CEP63: variants seen among roughly 807,000 people sequenced by gnomAD.
CEP63 encodes centrosomal protein 63.
CEP63 carries 84 observed loss-of-function variants against 89.1 expected under a neutral mutation model. The observed-to-expected ratio is 0.94, with a 90% CI of 0.79 to 1.13. The LOEUF is 1.13. Among genes scored for constraint, CEP63 ranks in the 50% most tolerant of loss-of-function variants. CEP63 has a pLI of 0.00. For synonymous variants in CEP63, 267 were observed against 272.5 expected, an observed-to-expected ratio of 0.98 and a Z score of 0.20; for missense variants, 838 against 813.3, an observed-to-expected ratio of 1.03 and a Z score of -0.37.
intron 10 of CEP63, among the ~76,000 whole-genome samples, chr3:134,582,751 CACA>C (rs1958391656): frequency 6.6e-6 from 1 of 152,156 alleles, no homozygotes; most frequent in Non-Finnish European, 1.5e-5. Context: ...GAGGAATCAC[CACA>C]CTGTCTTCCA....
the CEP63 span, among the ~76,000 whole-genome samples, chr3:134,659,877 C>T: frequency 2.0e-5 from 3 of 152,286 alleles, no homozygotes; most frequent in South Asian, 4.1e-4. Flanking sequence ...AGGGGGCATG[C>T]GGGAGATTTT....
chr3:134,507,360 T>G lies in CEP63; in HGVS notation c.222+74T>G. Reference sequence around the variant, plus strand: ...TATATTAAATGTGTTTCTTAAGTATTTGTTGAAGAAAGAATTTGTATACCA... The same window carrying G: ...TATATTAAATGTGTTTCTTAAGTATGTGTTGAAGAAAGAATTTGTATACCA... On this transcript the variant is annotated intron_variant, in intron 3 of 14. Transcript: ENST00000675561. The G allele has an allele frequency of 5.1e-6, 6 of 1,173,812 alleles. No individual in the cohort carries two copies. In the South Asian group the frequency reaches 8.1e-5, roughly 16 times the overall value. 72.7% of individuals were successfully genotyped at this position (1,173,812 alleles called of 1,614,324 possible). A position where few individuals can be genotyped will look rare whatever the true frequency, so the allele number is the denominator to read the frequency against.
At chr3:134,713,754 T>C in the CEP63 span, among the ~76,000 whole-genome samples, 2 of 152,212 alleles carry the variant, frequency 1.3e-5, no homozygotes, top group South Asian at 2.1e-4. Context: ...TGCTCTGGAA[T>C]CCTGGCTTCA....
chr3:134,671,217 C>T, the CEP63 span, among the ~76,000 whole-genome samples: 7 of 152,156 alleles, frequency 4.6e-5, no homozygotes, highest in East Asian at 1.9e-4. Flanking sequence ...CATTATCCTA[C>T]GCGATCTAAC....
chr3:134,537,107 C>A, intron 5 of CEP63, 48 bp from the exon 6 acceptor site: 2 of 1,117,490 alleles, frequency 1.8e-6, no homozygotes, highest in Non-Finnish European at 2.8e-6. Flanking sequence ...GAAGTAGTGA[C>A]AGTGAGGAGA....
At chr3:134,740,254 C>G in the CEP63 span, among the ~76,000 whole-genome samples, 1 of 149,520 alleles carries the variant, frequency 6.7e-6, no homozygotes, top group East Asian at 2.0e-4. Flanking sequence ...GGTAGGAGCA[C>G]TTATTCTTTT....
At chr3:134,550,415 A>C (rs576793375) in intron 11 of CEP63, among the ~76,000 whole-genome samples, 155 bp downstream of exon 11, 1 of 152,188 alleles carries the variant, frequency 6.6e-6, no homozygotes, top group African/African-American at 2.4e-5. Flanking sequence ...TTTAGTGAGC[A>C]TGGTGGGGAG....
chr3:134,572,680 A>G (rs1189190775), intron 11 of CEP63, among the ~76,000 whole-genome samples: 4 of 152,004 alleles, frequency 2.6e-5, no homozygotes, highest in African/African-American at 9.7e-5. Flanking sequence ...GGTTGATTCT[A>G]TGTCTTTGTT....
At position 134,584,956 on chromosome 3, in the gene CEP63, G is replaced by GTTTTTTTTTTTGTTTTTTT. The variant is rs1553799204; in HGVS notation, c.1207-2491_1207-2490insGTTTTTTTTTTTTTTTTTT. Among the ~76,000 whole-genome samples, 2 of 36,038 alleles carry GTTTTTTTTTTTGTTTTTTT rather than the reference G, an allele frequency of 5.5e-5. 1 individual carries two copies. The highest frequency in any genetic ancestry group is 1.7e-4 in the African/African-American group (2 of 11,762). The allele number at this position is 36,038 out of a possible 152,430, so 23.6% of individuals were successfully genotyped here. On this transcript the variant is annotated intron_variant, in intron 10 of 10. Coordinates refer to the CEP63 transcript ENST00000683931. ...ATCCATTTCTTCTAGATTTTCTAGG[G>GTTTTTTTTTTTGTTTTTTT]TTTTTTTTTTTTTTTTTTGCATGGA...
At chr3:134,689,442 TTTA>T in the CEP63 span, among the ~76,000 whole-genome samples, 3 of 96,420 alleles carry the variant, frequency 3.1e-5, no homozygotes, top group African/African-American at 6.1e-5. Context: ...AAGGACCTTA[TTTA>T]TTATTATTAT....
the CEP63 span, among the ~76,000 whole-genome samples, chr3:134,701,312 A>ATGTGTATATATATGTATATGTG: frequency 8.0e-5 from 2 of 24,856 alleles, 1 homozygote; most frequent in African/African-American, 2.4e-4. Context: ...ATACGTATAT[A>ATGTGTATATATATGTATATGTG]TGTGTATATA....
chr3:134,519,145 A>T (rs1041973750), intron 3 of CEP63, among the ~76,000 whole-genome samples: 4 of 151,772 alleles, frequency 2.6e-5, no homozygotes, highest in Non-Finnish European at 4.4e-5. Context: ...TTGTTTTGAG[A>T]TGGAGTCTCA....
the CEP63 span, among the ~76,000 whole-genome samples, chr3:134,593,712 CAG>C: frequency 3.3e-5 from 5 of 152,244 alleles, no homozygotes; most frequent in Admixed American, 6.5e-5. Flanking sequence ...TTCAGTCTAA[CAG>C]GGGACCAGTG....
the CEP63 span, among the ~76,000 whole-genome samples, chr3:134,738,246 T>TCACACA: frequency 1.8e-5 from 1 of 55,830 alleles, no homozygotes; most frequent in East Asian, 6.0e-4. Flanking sequence ...TAGTATTCCA[T>TCACACA]CATACACACA....
chr3:134,754,127 G>C, the CEP63 span, among the ~76,000 whole-genome samples: 91 of 152,286 alleles, frequency 6.0e-4, no homozygotes, highest in African/African-American at 2.0e-3. Context: ...GCCCCTGCTG[G>C]GGTGGAGCAC....
chr3:134,592,512 GTGTA>G (rs3223277), downstream of CEP63, among the ~76,000 whole-genome samples: 6 of 145,058 alleles, frequency 4.1e-5, no homozygotes, highest in African/African-American at 1.6e-4. Context: ...GTGTGTGTGT[GTGTA>G]TGGAGGAACT....
chr3:134,602,887 C>A, the CEP63 span, among the ~76,000 whole-genome samples: 1 of 152,242 alleles, frequency 6.6e-6, no homozygotes, highest in East Asian at 1.9e-4. Flanking sequence ...AGTCTCCTCA[C>A]AACTTTCTGG....
chr3:134,777,608 ATTTTTTTTTT>A, the CEP63 span, among the ~76,000 whole-genome samples: 55 of 100,182 alleles, frequency 5.5e-4, no homozygotes, highest in Non-Finnish European at 8.7e-4. Context: ...AAAGAATAGA[ATTTTTTTTTT>A]TTTTTTTTTT....
At chr3:134,593,302 T>G in the CEP63 span, among the ~76,000 whole-genome samples, 1 of 152,222 alleles carries the variant, frequency 6.6e-6, no homozygotes, top group Non-Finnish European at 1.5e-5. Context: ...CAATAATTAC[T>G]GAGTACTTAC....
Sources: allele counts gnomAD v4.1 joint callset (sites outside exome capture counted in the v4.1 genomes callset), GRCh38; gene constraint gnomAD v4.1.1; transcripts MANE v1.5; gene names NCBI Gene and HGNC (gene_info 2026-07-23, HGNC 2026-07-21).